Variants in GPR141 observed in about 807,000 individuals in gnomAD.
GPR141 encodes the protein probable G protein-coupled receptor 141.
Under a neutral mutation model 6.8 loss-of-function variants are expected in GPR141, and 6 were observed. The observed-to-expected ratio is 0.88, with a 90% CI of 0.48 to 1.74. The LOEUF (loss-of-function observed/expected upper bound fraction) is 1.74, where lower values mean the gene tolerates loss of function less well. GPR141 is among the 40% of genes most tolerant of loss of function. The probability of loss-of-function intolerance (pLI) is 0.01; values close to 1 mark genes in which losing one functional copy is unlikely to be tolerated. For missense variants in GPR141, 372 were observed against 372.9 expected, an observed-to-expected ratio of 1.00 and a Z score of 0.02; for synonymous variants, 140 against 142.3, an observed-to-expected ratio of 0.98 and a Z score of 0.11.
chr7:37,735,862 A>G (rs1045629945), intron 2 of GPR141, among the ~76,000 whole-genome samples: 11 of 152,242 alleles, frequency 7.2e-5, no homozygotes, highest in Non-Finnish European at 1.2e-4. Context: ...AGAATGTGTA[A>G]GACCGACACA....
chr7:37,726,884 A>T (rs1300277691), intron 2 of GPR141, among the ~76,000 whole-genome samples: 4 of 152,228 alleles, frequency 2.6e-5, no homozygotes, highest in African/African-American at 9.6e-5. Flanking sequence ...TATGAGAGAC[A>T]GGGGATAGGA....
intron 2 of GPR141, among the ~76,000 whole-genome samples, chr7:37,707,488 G>C (rs1325875254): frequency 6.6e-6 from 1 of 152,044 alleles, no homozygotes; most frequent in Non-Finnish European, 1.5e-5. Flanking sequence ...TCTGAGGAAG[G>C]TACTGAAAAC....
At chr7:37,724,296 CA>C (rs1366349202) in intron 2 of GPR141, among the ~76,000 whole-genome samples, 8 of 151,772 alleles carry the variant, frequency 5.3e-5, no homozygotes, top group African/African-American at 2.4e-5. Context: ...TATATATATA[CA>C]TTTTTTTTTG....
chr7:37,686,693 C>A (rs1175983548), intron 2 of GPR141, among the ~76,000 whole-genome samples: 1 of 152,062 alleles, frequency 6.6e-6, no homozygotes, highest in African/African-American at 2.4e-5. Flanking sequence ...GCTTGGAACT[C>A]CAGATGGTCT....
At position 37,701,788 on chromosome 7, in the gene GPR141, T is replaced by C. The variant is rs528239842; in HGVS notation, c.-15+16205T>C. On this transcript the variant is annotated intron_variant, in intron 2 of 2. Transcript: ENST00000334425. ...AACCTGCAGCTAATAATTCATATCG[T>C]AGAGTTGTCATGAGGATTAAATGGA... 2.0e-5 allele frequency among the ~76,000 whole-genome samples: 3 copies of C among 152,340 alleles called. No homozygotes were observed. The East Asian group carries it at 5.8e-4, about 29-fold the overall frequency.
At chr7:37,730,357 C>T (rs965281961) in intron 2 of GPR141, among the ~76,000 whole-genome samples, 3 of 152,182 alleles carry the variant, frequency 2.0e-5, no homozygotes, top group Non-Finnish European at 4.4e-5. Context: ...CTCAAACAGT[C>T]TATCCTGGGC....
chr7:37,707,394 A>G (rs997590860), intron 2 of GPR141, among the ~76,000 whole-genome samples: 5 of 152,130 alleles, frequency 3.3e-5, no homozygotes, highest in Admixed American at 2.0e-4. Context: ...AGCTTCCCTG[A>G]TTGTAACATT....
chr7:37,686,253 C>T (rs1286072541), intron 2 of GPR141, among the ~76,000 whole-genome samples: 1 of 150,700 alleles, frequency 6.6e-6, no homozygotes, highest in Non-Finnish European at 1.5e-5. Context: ...CTTCCTGACT[C>T]AGACTCAGAC....
intron 2 of GPR141, among the ~76,000 whole-genome samples, chr7:37,717,562 C>G (rs1424494456): frequency 6.6e-6 from 1 of 151,860 alleles, no homozygotes; most frequent in Non-Finnish European, 1.5e-5. Flanking sequence ...ATTTTCTGCC[C>G]CCTCTTTCTT....
At chr7:37,738,223 G>A (rs1026135661) in intron 2 of GPR141, among the ~76,000 whole-genome samples, 2 of 152,214 alleles carry the variant, frequency 1.3e-5, no homozygotes, top group African/African-American at 4.8e-5. Context: ...AGGCAAGGAT[G>A]TAGTGTAGTC....
chr7:37,740,349 G>A, intron 2 of GPR141, 31 bp from the exon 3 acceptor site: 1 of 1,384,560 alleles, frequency 7.2e-7, no homozygotes, highest in South Asian at 1.3e-5. Context: ...CTGAAAGCTT[G>A]TCAGTTACTC....
intron 2 of GPR141, among the ~76,000 whole-genome samples, chr7:37,710,820 A>G (rs1222883541): frequency 1.3e-5 from 2 of 152,188 alleles, no homozygotes; most frequent in African/African-American, 2.4e-5. Flanking sequence ...CTATTTACTT[A>G]TTTATATAAC....
chr7:37,733,856 C>A (rs887160146), intron 2 of GPR141, among the ~76,000 whole-genome samples: 1 of 151,998 alleles, frequency 6.6e-6, no homozygotes, highest in South Asian at 2.1e-4. Flanking sequence ...CCACTTCATA[C>A]GTTGGATATT....
chr7:37,735,474 T>G (rs888172294), intron 2 of GPR141, among the ~76,000 whole-genome samples: 1 of 152,144 alleles, frequency 6.6e-6, no homozygotes, highest in African/African-American at 2.4e-5. Context: ...TGGTCAGAGA[T>G]AAGACTATTG....
intron 2 of GPR141, among the ~76,000 whole-genome samples, chr7:37,709,954 G>A (rs1187868153): frequency 6.6e-6 from 1 of 151,846 alleles, no homozygotes; most frequent in Non-Finnish European, 1.5e-5. Flanking sequence ...AATGCCTGCC[G>A]GGTTCCCTGC....
At chr7:37,719,915 GA>G (rs1314420810) in intron 2 of GPR141, among the ~76,000 whole-genome samples, 2 of 152,168 alleles carry the variant, frequency 1.3e-5, no homozygotes, top group African/African-American at 2.4e-5. Flanking sequence ...ATAAGGCAAG[GA>G]TGGGGGAGCC....
At chr7:37,709,529 C>A (rs918429850) in intron 2 of GPR141, among the ~76,000 whole-genome samples, 1 of 152,132 alleles carries the variant, frequency 6.6e-6, no homozygotes, top group African/African-American at 2.4e-5. Context: ...GTGATCTTGC[C>A]ACATATGGCC....
Position 37,740,508 on chromosome 7 carries a change from C to A in GPR141, c.115C>A (p.Leu39Ile), listed in dbSNP as rs1344895218. The A allele has an allele frequency of 6.2e-7, 1 of 1,614,018 alleles. No homozygotes were observed. The highest frequency in any genetic ancestry group is 1.7e-5 in the Admixed American group (1 of 59,998). ...CGGGCTGGTGGGTGTCATTTCCATT[C>A]TTTTCCTCCTGGTGAAAATGAACAC... Reference protein sequence around the residue: ...IGGLVGVISILFLLVKMNTRS... With the variant: ...IGGLVGVISIIFLLVKMNTRS... The change falls in exon 3 of 3, where the codon CTT becomes ATT. Residue 39 changes from leucine (L) to isoleucine (I), a missense_variant. Physicochemically the swap from Leu to Ile is conservative, Grantham distance 5 (BLOSUM62 2). Coordinates refer to ENST00000334425, the MANE Select transcript of GPR141 (RefSeq NM_001381946.1).
intron 2 of GPR141, among the ~76,000 whole-genome samples, chr7:37,699,333 G>A (rs1304939414): frequency 1.1e-4 from 16 of 152,224 alleles, no homozygotes; most frequent in South Asian, 2.1e-4. Flanking sequence ...AGGCCGAGGC[G>A]GGTGGATCAC....
Sources: allele counts gnomAD v4.1 joint callset (sites outside exome capture counted in the v4.1 genomes callset), GRCh38; gene constraint gnomAD v4.1.1; transcripts MANE v1.5; gene names NCBI Gene and HGNC (gene_info 2026-07-23, HGNC 2026-07-21).